The following ASCC3 variants were observed in gnomAD, a reference collection of about 807,000 sequenced individuals.
The protein encoded by ASCC3 is activating signal cointegrator 1 complex subunit 3, also known as ASC-1 complex subunit P200.
In ASCC3, 158 loss-of-function variants were observed where a neutral mutation model predicts 256.3. The ratio of observed to expected loss-of-function variants is 0.62; its 90% CI spans 0.54 to 0.70. The LOEUF (loss-of-function observed/expected upper bound fraction) is 0.70. Ranked by LOEUF, ASCC3 falls within the 30% of genes least tolerant of loss-of-function variation. ASCC3 has a pLI of 0.00. For synonymous variants in ASCC3, 948 were observed against 883.4 expected (o/e 1.07, Z -1.30); for missense variants, 2,259 against 2,626.0 (o/e 0.86, Z 3.05).
intron 36 of ASCC3, among the ~76,000 whole-genome samples, chr6:100,566,591 G>C (rs1159923684): frequency 6.6e-6 from 1 of 152,072 alleles, no homozygotes; most frequent in Non-Finnish European, 1.5e-5. Flanking sequence ...CTTCAACACT[G>C]TATCTTCTAT....
intron 4 of ASCC3, among the ~76,000 whole-genome samples, chr6:100,808,258 T>C (rs1770287152): frequency 6.7e-6 from 1 of 148,768 alleles, no homozygotes; most frequent in South Asian, 2.2e-4. Context: ...AAAAGACTCA[T>C]ATATGATGTT....
chr6:100,600,386 G>C (rs1402066659), intron 34 of ASCC3, among the ~76,000 whole-genome samples: 1 of 152,124 alleles, frequency 6.6e-6, no homozygotes, highest in Non-Finnish European at 1.5e-5. Context: ...TAAATGTGAA[G>C]TCTATTCCAT....
At chr6:100,560,100 T>C (rs1769850391) in intron 36 of ASCC3, among the ~76,000 whole-genome samples, 1 of 152,160 alleles carries the variant, frequency 6.6e-6, no homozygotes, top group Admixed American at 6.6e-5. Context: ...TCTGGTAATA[T>C]ATGTAAGTGG....
intron 30 of ASCC3, among the ~76,000 whole-genome samples, chr6:100,612,998 C>A (rs1011871523): frequency 3.3e-5 from 5 of 151,558 alleles, no homozygotes; most frequent in African/African-American, 1.2e-4. Flanking sequence ...TGCTATTTTG[C>A]CAAATATACA....
intron 8 of ASCC3, among the ~76,000 whole-genome samples, chr6:100,778,652 C>T (rs1217392440): frequency 6.6e-6 from 1 of 152,004 alleles, no homozygotes; most frequent in African/African-American, 2.4e-5. Flanking sequence ...AATAAAAATA[C>T]TTTTGATAGT....
At chr6:100,606,928 G>T (rs977900921) in intron 31 of ASCC3, 23 bp downstream of exon 31, 3 of 1,612,346 alleles carry the variant, frequency 1.9e-6, no homozygotes, top group African/African-American at 2.7e-5. Flanking sequence ...TTAAATATGT[G>T]TTCACTGGAG....
intron 1 of ASCC3, among the ~76,000 whole-genome samples, chr6:100,877,466 T>C (rs1774059412): frequency 1.3e-5 from 2 of 152,224 alleles, no homozygotes; most frequent in Admixed American, 1.3e-4. Context: ...TGAGTTGTGA[T>C]ATTGTTAACA....
chr6:100,570,606 T>G (rs1298539169), intron 36 of ASCC3, among the ~76,000 whole-genome samples: 1 of 152,108 alleles, frequency 6.6e-6, no homozygotes, highest in Admixed American at 6.5e-5. Context: ...AATGTCTACA[T>G]GCTAGCATTC....
chr6:100,697,180 T>A (rs1336153135), intron 13 of ASCC3, among the ~76,000 whole-genome samples: 1 of 152,060 alleles, frequency 6.6e-6, no homozygotes, highest in Non-Finnish European at 1.5e-5. Context: ...TATCTGCTTT[T>A]ATGCAAGACA....
chr6:100,767,433 T>A, intron 8 of ASCC3, 88 bp from the exon 9 acceptor site: 3 of 1,368,348 alleles, frequency 2.2e-6, no homozygotes, highest in Non-Finnish European at 3.1e-6. Flanking sequence ...ATTTCCTTTG[T>A]TTTTTAAAAA....
intron 1 of ASCC3, among the ~76,000 whole-genome samples, chr6:100,870,814 C>T (rs185401103): frequency 1.6e-4 from 25 of 152,266 alleles, no homozygotes; most frequent in African/African-American, 6.0e-4. Flanking sequence ...AACATACTTC[C>T]TGGAGCATTT....
intron 38 of ASCC3, among the ~76,000 whole-genome samples, chr6:100,517,108 T>C (rs1453187108): frequency 4.6e-5 from 7 of 152,124 alleles, no homozygotes; most frequent in Non-Finnish European, 1.0e-4. Context: ...TTTTAGTTTC[T>C]AGGGACATCC....
intron 34 of ASCC3, among the ~76,000 whole-genome samples, chr6:100,600,205 GCACACACACACACACACA>G (rs56886686): frequency 6.9e-6 from 1 of 145,770 alleles, no homozygotes; most frequent in Non-Finnish European, 1.5e-5. Flanking sequence ...ACATGCACAT[GCACACACACACACACACA>G]CACACACACA....
intron 24 of ASCC3, among the ~76,000 whole-genome samples, chr6:100,639,201 C>T (rs909532615): frequency 6.6e-6 from 1 of 152,182 alleles, no homozygotes; most frequent in Non-Finnish European, 1.5e-5. Context: ...TGATTACTAA[C>T]AACGAATTAC....
At chr6:100,722,000 A>C (rs905826130) in intron 11 of ASCC3, among the ~76,000 whole-genome samples, 2 of 151,734 alleles carry the variant, frequency 1.3e-5, no homozygotes, top group Admixed American at 6.6e-5. Context: ...ATCTTGAGTT[A>C]ATTTTTGTAT....
chr6:100,734,773 CAAGGTAGTAGCCCA>C (rs915882089), intron 10 of ASCC3, among the ~76,000 whole-genome samples: 2 of 152,050 alleles, frequency 1.3e-5, no homozygotes, highest in African/African-American at 4.8e-5. Context: ...AAATCATAAG[CAAGGTAGTAGCCCA>C]AAGTGTCTAC....
chr6:100,864,811 C>T (rs1773403832), intron 2 of ASCC3, among the ~76,000 whole-genome samples: 1 of 152,156 alleles, frequency 6.6e-6, no homozygotes, highest in South Asian at 2.1e-4. Flanking sequence ...TCTGGAGCTA[C>T]AAGTTCAAGA....
chr6:100,580,841 T>C (rs1771194886), intron 36 of ASCC3, among the ~76,000 whole-genome samples: 1 of 150,780 alleles, frequency 6.6e-6, no homozygotes, highest in Admixed American at 6.6e-5. Flanking sequence ...TGTTTGGTTT[T>C]TTGGTCTTGC....
At chr6:100,558,142 T>C (rs1393453295) in intron 36 of ASCC3, among the ~76,000 whole-genome samples, 3 of 150,562 alleles carry the variant, frequency 2.0e-5, no homozygotes, top group Non-Finnish European at 4.4e-5. Context: ...AGAAGAAAAC[T>C]ACATAAGACT....
Sources: gnomAD v4.1 joint callset for allele counts (sites outside exome capture counted in the v4.1 genomes callset) on GRCh38, gnomAD v4.1.1 for gene constraint, MANE v1.5 for transcripts, NCBI Gene and HGNC (gene_info 2026-07-23, HGNC 2026-07-21) for gene names.